The following MET variants were observed in gnomAD, a reference collection of about 807,000 sequenced individuals.
MET encodes the protein hepatocyte growth factor receptor.
A neutral mutation model predicts 133.1 loss-of-function variants in MET; 48 were observed. That is an observed-to-expected ratio of 0.36 (90% CI 0.29 to 0.46). The LOEUF (loss-of-function observed/expected upper bound fraction) is 0.46. MET is among the 20% of genes least tolerant of loss of function. MET has a pLI of 1.00. For synonymous variants in MET, 628 were observed against 616.5 expected, an observed-to-expected ratio of 1.02 and a Z score of -0.28; for missense variants, 1,442 against 1,695.9, an observed-to-expected ratio of 0.85 and a Z score of 2.63.
chr7:116,722,338 CT>C (rs1562897212), intron 2 of MET, among the ~76,000 whole-genome samples: 1 of 151,086 alleles, frequency 6.6e-6, no homozygotes, highest in African/African-American at 2.4e-5. Flanking sequence ...TGCTTGGTAG[CT>C]CTTCCTCCAT....
At chr7:116,766,083 A>T (rs2116968780) in intron 11 of MET, among the ~76,000 whole-genome samples, 1 of 152,302 alleles carries the variant, frequency 6.6e-6, no homozygotes. Context: ...ATAGCTCTTA[A>T]CTTTTTATAA....
At chr7:116,720,050 G>T (rs1302982272) in intron 2 of MET, among the ~76,000 whole-genome samples, 1 of 152,156 alleles carries the variant, frequency 6.6e-6, no homozygotes, top group Non-Finnish European at 1.5e-5. Context: ...GCTTTATGGG[G>T]ATGGCATTGA....
chr7:116,739,871 C>T (rs2116824362), intron 3 of MET, 79 bp from the exon 4 acceptor site: 1 of 1,593,148 alleles, frequency 6.3e-7, no homozygotes, highest in Non-Finnish European at 8.6e-7. Context: ...TCTGTTATTA[C>T]CATTATCATC....
At chr7:116,783,241 A>T in intron 18 of MET, 63 bp from the exon 19 acceptor site, 2 of 1,588,124 alleles carry the variant, frequency 1.3e-6, no homozygotes, top group Non-Finnish European at 1.7e-6. Context: ...ATCTGTAGAT[A>T]TTCAGCATCA....
chr7:116,720,387 T>C (rs1466796044), intron 2 of MET, among the ~76,000 whole-genome samples: 1 of 143,796 alleles, frequency 7.0e-6, no homozygotes, highest in Non-Finnish European at 1.5e-5. Context: ...GATTTTGGGC[T>C]GAGACAATGG....
At chr7:116,790,651 T>C (rs1795459779) in intron 19 of MET, among the ~76,000 whole-genome samples, 1 of 152,214 alleles carries the variant, frequency 6.6e-6, no homozygotes, top group Non-Finnish European at 1.5e-5. Flanking sequence ...CTGGATCATA[T>C]GGTAATTTTA....
intron 2 of MET, among the ~76,000 whole-genome samples, chr7:116,709,428 A>G (rs534254489): frequency 7.7e-4 from 118 of 152,340 alleles, no homozygotes; most frequent in South Asian, 4.6e-3. Flanking sequence ...CTGAATTGCC[A>G]AAGTATGACT....
rs542713188 is a variant in MET at position 116,724,435 on chromosome 7, C to T, written c.1201-7233C>T. 2.4e-4 allele frequency among the ~76,000 whole-genome samples: 36 copies of T among 152,346 alleles called. No individual in the cohort carries two copies. In the East Asian group the frequency reaches 3.9e-3, roughly 16 times the overall value. On this transcript the variant is annotated intron_variant, in intron 2 of 20. Coordinates refer to ENST00000397752, the MANE Select transcript of MET (RefSeq NM_000245.4). The stretch of plus-strand genomic sequence containing the variant: ...TGCAGAAATCACCCGTCTTCTGCGT[C>T]GCTCACGCTGGGAGCTGTAGACCGG...
At position 116,783,400 on chromosome 7, in the gene MET, A is replaced by G; in HGVS notation, c.3729A>G (p.Ala1243=). Residue 1243 remains alanine (A), a synonymous_variant, in exon 19 of 21, where the codon GCA becomes GCG. Transcript: ENST00000397752. ...EYYSVHNKTG[A]KLPVKWMALE... ...ATAGTGTACACAACAAAACAGGTGC[A>G]AAGCTGCCAGTGAAGTGGATGGCTT... is the stretch of plus-strand genomic sequence containing the variant. 1 of 1,614,180 alleles carries G rather than the reference A, an allele frequency of 6.2e-7. No individual in the cohort carries two copies.
intron 2 of MET, among the ~76,000 whole-genome samples, chr7:116,727,827 A>G (rs915725083): frequency 2.0e-5 from 3 of 152,182 alleles, no homozygotes; most frequent in East Asian, 1.9e-4. Context: ...AGCAGCAAAC[A>G]TATTTGCTGA....
rs1051066910 is a variant in MET, at chr7:116,797,135, A to T, written c.*1011A>T. ...ACTGTTTGAGAATGATGCTACTCTG[A>T]TCTAATGAATGTGAACATGTAGATG... On this transcript the variant is annotated 3_prime_UTR_variant, in exon 21 of 21. Transcript: ENST00000397752. The T allele has an allele frequency of 4.2e-4, 84 of 199,040 alleles. 1 individual carries two copies. Among genetic ancestry groups the T allele is most frequent in the African/African-American group, 1.9e-3 (83 of 43,474 alleles). 12.3% of individuals were successfully genotyped at this position (199,040 alleles called of 1,614,324 possible). A position where few individuals can be genotyped will look rare whatever the true frequency, so the allele number is the denominator to read the frequency against.
chr7:116,777,957 A>T (rs140166469), intron 16 of MET, among the ~76,000 whole-genome samples: 40 of 152,356 alleles, frequency 2.6e-4, no homozygotes, highest in Non-Finnish European at 4.6e-4. Context: ...TCATTTATCC[A>T]CATTTTTGGA....
intron 1 of MET, among the ~76,000 whole-genome samples, chr7:116,680,747 G>C (rs1161269175): frequency 2.0e-5 from 3 of 152,112 alleles, no homozygotes; most frequent in African/African-American, 7.2e-5. Context: ...TTTGAGACCA[G>C]CCTGGGCAAC....
intron 3 of MET, among the ~76,000 whole-genome samples, chr7:116,733,655 A>G (rs1305397162): frequency 6.6e-6 from 1 of 152,156 alleles, no homozygotes; most frequent in Non-Finnish European, 1.5e-5. Flanking sequence ...TTTGCCTATT[A>G]ACTATGCATC....
At chr7:116,787,989 A>C (rs1795370185) in intron 19 of MET, among the ~76,000 whole-genome samples, 1 of 152,234 alleles carries the variant, frequency 6.6e-6, no homozygotes, top group Admixed American at 6.5e-5. Context: ...GGACTAAACC[A>C]TTCATCAACA....
rs981401332 is a variant in MET, at chr7:116,758,619, A to C, written c.2263A>C (p.Ser755Arg). 3 of 1,613,250 alleles carry C rather than the reference A, an allele frequency of 1.9e-6. No homozygotes were observed. The highest frequency in any genetic ancestry group is 2.5e-6 in the Non-Finnish European group (3 of 1,179,446). The change falls in exon 9 of 21, where the codon AGT becomes CGT. Residue 755 changes from serine (S) to arginine (R), a missense_variant and splice_region_variant. Ser to Arg is a moderately radical substitution (Grantham distance 110, BLOSUM62 -1). Transcript: ENST00000397752. ...AATTCATCCAACCAAATCTTTTATT[A>C]GGTAAGTAGAAGCTTCTGATGGGTA... ...YEIHPTKSFI[S>R]GGSTITGVGK...
intron 11 of MET, among the ~76,000 whole-genome samples, chr7:116,765,232 G>A (rs767636605): frequency 4.0e-5 from 6 of 149,978 alleles, no homozygotes; most frequent in South Asian, 4.3e-4. Flanking sequence ...TCCTGAAGGC[G>A]GAGGTTGCAG....
At chr7:116,694,523 T>A (rs930356306) in intron 1 of MET, among the ~76,000 whole-genome samples, 1 of 152,184 alleles carries the variant, frequency 6.6e-6, no homozygotes, top group Admixed American at 6.5e-5. Flanking sequence ...CCACTGATTT[T>A]CCATTTCATC....
chr7:116,707,439 G>A (rs891588063), intron 2 of MET, among the ~76,000 whole-genome samples: 12 of 152,172 alleles, frequency 7.9e-5, no homozygotes, highest in Non-Finnish European at 1.8e-4. Flanking sequence ...ATTAAGGTTA[G>A]TTTTGATTTG....
Sources: gnomAD v4.1 joint callset for allele counts (sites outside exome capture counted in the v4.1 genomes callset) on GRCh38, gnomAD v4.1.1 for gene constraint, MANE v1.5 for transcripts, NCBI Gene and HGNC (gene_info 2026-07-23, HGNC 2026-07-21) for gene names.